The following MSANTD3 variants were observed in gnomAD, a reference collection of about 807,000 sequenced individuals.
MSANTD3 encodes the protein myb/SANT-like DNA-binding domain-containing protein 3.
A neutral mutation model predicts 27.7 loss-of-function variants in MSANTD3; 11 were observed. The ratio of observed to expected loss-of-function variants is 0.40; its 90% confidence interval spans 0.25 to 0.66. The LOEUF (loss-of-function observed/expected upper bound fraction) is 0.66. Ranked by LOEUF, MSANTD3 falls within the 30% of genes least tolerant of loss-of-function variation. The pLI is 0.41. For synonymous variants in MSANTD3, 131 were observed against 127.2 expected (o/e 1.03, Z -0.20); for missense variants, 250 against 336.5 (o/e 0.74, Z 2.01).
intron 2 of MSANTD3, among the ~76,000 whole-genome samples, chr9:100,450,096 A>C (rs1227246007): frequency 2.0e-5 from 3 of 152,202 alleles, no homozygotes; most frequent in Admixed American, 6.5e-5. Context: ...GGAAACAGCA[A>C]TAGCACTCTT....
intron 2 of MSANTD3, chr9:100,449,162 A>G (rs1836824950): frequency 2.0e-6 from 2 of 985,320 alleles, no homozygotes; most frequent in African/African-American, 1.7e-5. Flanking sequence ...AGTCACAGCT[A>G]CAAGACTCCA....
rs1336748318 is a variant in MSANTD3 at position 100,441,976 on chromosome 9, T to G, written c.38T>G (p.Phe13Cys). Reference sequence around the variant, plus strand: ...GAAATTATAAAGCCTGCCAAATACTTCTCAGAATTGGAAAAGAGCATCCTG... The same window carrying G: ...GAAATTATAAAGCCTGCCAAATACTGCTCAGAATTGGAAAAGAGCATCCTG... Reference protein sequence around the residue: ...NNEIIKPAKYFSELEKSILLA... With the variant: ...NNEIIKPAKYCSELEKSILLA... The change falls in exon 2 of 3, where the codon TTC becomes TGC. Residue 13 changes from phenylalanine (F) to cysteine (C), a missense_variant. Coordinates refer to ENST00000395067, the MANE Select transcript of MSANTD3 (RefSeq NM_080655.3). 1 of 1,613,552 alleles carries G rather than the reference T, an allele frequency of 6.2e-7. No homozygotes were observed.
At chr9:100,428,565 C>T (rs866344324) in intron 1 of MSANTD3, among the ~76,000 whole-genome samples, 1 of 152,066 alleles carries the variant, frequency 6.6e-6, no homozygotes, top group Non-Finnish European at 1.5e-5. Context: ...TTCATCCCTC[C>T]CGTAGAGACC....
chr9:100,440,020 AC>A (rs1388687975), intron 1 of MSANTD3, among the ~76,000 whole-genome samples: 4 of 152,284 alleles, frequency 2.6e-5, no homozygotes, highest in South Asian at 4.1e-4. Flanking sequence ...TTTTGCCGTA[AC>A]ATATTTGAGA....
chr9:100,427,646 T>G (rs1306963793), intron 1 of MSANTD3: 1 of 151,614 alleles, frequency 6.6e-6, no homozygotes, highest in African/African-American at 2.4e-5. Flanking sequence ...CGCCCACGGC[T>G]GGGAGCGGGG....
At chr9:100,443,713 T>C (rs1478054539) in intron 2 of MSANTD3, among the ~76,000 whole-genome samples, 1 of 152,268 alleles carries the variant, frequency 6.6e-6, no homozygotes, top group Non-Finnish European at 1.5e-5. Context: ...TTAGGGGCTA[T>C]TGAAATGTCT....
At chr9:100,437,120 A>G (rs1246003379) in intron 1 of MSANTD3, among the ~76,000 whole-genome samples, 2 of 152,126 alleles carry the variant, frequency 1.3e-5, no homozygotes, top group African/African-American at 4.8e-5. Context: ...ATACAGTCTT[A>G]CTGGATCAAG....
intron 1 of MSANTD3, among the ~76,000 whole-genome samples, chr9:100,430,937 G>C (rs1836362210): frequency 6.6e-6 from 1 of 152,162 alleles, no homozygotes; most frequent in South Asian, 2.1e-4. Flanking sequence ...TGATGCTAAG[G>C]AGAGAGGTTG....
intron 1 of MSANTD3, among the ~76,000 whole-genome samples, chr9:100,429,190 CAG>C (rs983889112): frequency 5.3e-5 from 8 of 152,216 alleles, no homozygotes; most frequent in Admixed American, 2.0e-4. Context: ...GGCATTGAAG[CAG>C]AGAGTAGGTG....
rs139680729 is a variant in MSANTD3, at chr9:100,438,427, A to AGTGTGTGTGT, written c.-33-3470_-33-3461dup. Among the ~76,000 whole-genome samples, 311 of 151,268 alleles carry AGTGTGTGTGT rather than the reference A, an allele frequency of 2.1e-3. 2 individuals are homozygous for AGTGTGTGTGT. The highest frequency in any genetic ancestry group is 3.8e-3 in the African/African-American group (158 of 41,358). ...ATAGAAAAAAGAGATTTATTTAGAA[A>AGTGTGTGTGT]GTGTGTGTGTGTGTGTGTACACACA... On this transcript the variant is annotated intron_variant, in intron 1 of 2. Transcript: ENST00000395067.
Position 100,441,958 on chromosome 9 carries a change from T to C in MSANTD3, c.20T>C (p.Ile7Thr), listed in dbSNP as rs747062816. MQNNEI[I>T]KPAKYFSELE... ...TGGAAAATGCAAAACAACGAAATTA[T>C]AAAGCCTGCCAAATACTTCTCAGAA... Residue 7 changes from isoleucine (I) to threonine (T), a missense_variant, in exon 2 of 3, where the codon ATA (isoleucine) becomes ACA (threonine). Ile to Thr is a moderately conservative substitution (Grantham distance 89). This residue lies in a region of MSANTD3 where 13 missense variants were observed against 16.7 expected (regional missense o/e 0.78). Coordinates refer to ENST00000395067, the MANE Select transcript of MSANTD3 (RefSeq NM_080655.3). The C allele has an allele frequency of 6.2e-7, 1 of 1,608,318 alleles. No homozygotes were observed. Among genetic ancestry groups the C allele is most frequent in the Non-Finnish European group, 8.5e-7 (1 of 1,176,072 alleles).
chr9:100,444,594 C>G (rs1167669689), intron 2 of MSANTD3: 1 of 152,632 alleles, frequency 6.6e-6, no homozygotes, highest in East Asian at 1.9e-4. Context: ...TGCTTATGTT[C>G]CCTGGGAGAT....
chr9:100,436,574 C>T (rs371718901), intron 1 of MSANTD3, among the ~76,000 whole-genome samples: 28 of 152,168 alleles, frequency 1.8e-4, no homozygotes, highest in African/African-American at 2.9e-4. Flanking sequence ...AAAGTTGATG[C>T]GGCAGGGAAC....
In MSANTD3 at chr9:100,433,183, G is replaced by A. The variant is rs370146739; in HGVS notation, c.-34+5790G>A. Among the ~76,000 whole-genome samples, 27 of 152,260 alleles carry A rather than the reference G, an allele frequency of 1.8e-4. No individual in the cohort carries two copies. The East Asian group carries it at 2.7e-3, about 15-fold the overall frequency. On this transcript the variant is annotated intron_variant, in intron 1 of 2. Transcript: ENST00000395067. ...TTTCAGACTCTTCTCTGTTACTAGGGCCTTGGGAAGCCCTGTTTTGCTCTG... is the reference window on the plus strand; with the variant it reads ...TTTCAGACTCTTCTCTGTTACTAGGACCTTGGGAAGCCCTGTTTTGCTCTG...
chr9:100,428,745 G>C (rs554502435), intron 1 of MSANTD3, among the ~76,000 whole-genome samples: 1 of 152,308 alleles, frequency 6.6e-6, no homozygotes, highest in African/African-American at 2.4e-5. Context: ...TCAGGGCATG[G>C]GGATGCTTGC....
At chr9:100,445,881 T>G (rs1473550480) in intron 2 of MSANTD3, among the ~76,000 whole-genome samples, 1 of 152,212 alleles carries the variant, frequency 6.6e-6, no homozygotes, top group East Asian at 1.9e-4. Flanking sequence ...TCTTAAAATT[T>G]AAGTATAACA....
intron 1 of MSANTD3, among the ~76,000 whole-genome samples, chr9:100,434,716 G>A (rs1836440210): frequency 6.6e-6 from 1 of 152,118 alleles, no homozygotes; most frequent in Admixed American, 6.6e-5. Context: ...GAATGCAAGT[G>A]AACCTCTTCC....
In MSANTD3 at chr9:100,450,618, A is replaced by G. The variant is rs1234754853; in HGVS notation, c.480A>G (p.Pro160=). The stretch of plus-strand genomic sequence containing the variant: ...ATGAGAAAGAGTTCATACATTTTCC[A>G]GTATGTGAGGGGACCTCTCAACCTG... ...CDDEKEFIHF[P]VCEGTSQPEP... The change falls in exon 3 of 3, where the codon CCA becomes CCG. Residue 160 remains proline, a synonymous_variant. Transcript: ENST00000395067. 1.2e-6 allele frequency: 2 copies of G among 1,605,684 alleles called. No homozygotes were observed. The highest frequency in any genetic ancestry group is 1.7e-6 in the Non-Finnish European group (2 of 1,177,986).
intron 2 of MSANTD3, among the ~76,000 whole-genome samples, chr9:100,447,958 A>G (rs1340276354): frequency 6.6e-6 from 1 of 152,184 alleles, no homozygotes; most frequent in Non-Finnish European, 1.5e-5. Flanking sequence ...TGGGAGGCCA[A>G]GGCGGGCCGA....
Sources: allele counts gnomAD v4.1 joint callset (sites outside exome capture counted in the v4.1 genomes callset), GRCh38; gene constraint gnomAD v4.1.1; regional missense constraint gnomAD v4.1.1; transcripts MANE v1.5; gene names NCBI Gene and HGNC (gene_info 2026-07-23, HGNC 2026-07-21).